CHST11: variants seen among roughly 807,000 people sequenced by gnomAD.
CHST11 encodes carbohydrate sulfotransferase 11.
In CHST11, 9 loss-of-function variants were observed where a neutral mutation model predicts 30.4. That is an observed-to-expected ratio of 0.30 (90% CI 0.18 to 0.52). CHST11 has a LOEUF of 0.52. Ranked by LOEUF, CHST11 falls within the 20% of genes least tolerant of loss-of-function variation. The probability of loss-of-function intolerance (pLI) is 0.97; values close to 1 mark genes in which losing one functional copy is unlikely to be tolerated. For missense variants in CHST11, 348 were observed against 460.6 expected (o/e 0.76, Z 2.24); for synonymous variants, 152 against 187.8 (o/e 0.81, Z 1.56).
intron 2 of CHST11, among the ~76,000 whole-genome samples, chr12:104,722,900 A>G (rs17036287): frequency 0.014 from 2,140 of 152,190 alleles, 59 homozygotes; most frequent in African/African-American, 0.049. Flanking sequence ...AAGGATTTCA[A>G]ACCTGCACAG....
intron 1 of CHST11, among the ~76,000 whole-genome samples, chr12:104,599,384 C>G (rs751715576): frequency 3.2e-4 from 49 of 152,226 alleles, no homozygotes; most frequent in Admixed American, 1.3e-4. Context: ...CCATGGGCCT[C>G]GATGAGCCCG....
chr12:104,545,164 CA>C (rs1168176829), intron 1 of CHST11, among the ~76,000 whole-genome samples: 2 of 122,656 alleles, frequency 1.6e-5, no homozygotes, highest in African/African-American at 2.8e-5. Flanking sequence ...AATTGAAAAG[CA>C]AAAAAATCAA....
chr12:104,675,032 G>A (rs781172499), intron 2 of CHST11, among the ~76,000 whole-genome samples: 13 of 152,268 alleles, frequency 8.5e-5, no homozygotes, highest in African/African-American at 2.4e-4. Context: ...AAGGTACTGC[G>A]TAACTCTTAA....
intron 1 of CHST11, among the ~76,000 whole-genome samples, chr12:104,463,273 T>C (rs1240668443): frequency 2.0e-5 from 3 of 152,072 alleles, no homozygotes; most frequent in African/African-American, 7.3e-5. Flanking sequence ...GTCATTCTGC[T>C]GATTCATTTT....
intron 2 of CHST11, among the ~76,000 whole-genome samples, chr12:104,694,841 G>A (rs975381864): frequency 5.9e-5 from 9 of 152,254 alleles, no homozygotes; most frequent in South Asian, 2.1e-4. Flanking sequence ...CTCTGTGTTC[G>A]GAACCAGTGC....
At chr12:104,502,621 G>A (rs553756060) in intron 1 of CHST11, among the ~76,000 whole-genome samples, 9 of 152,198 alleles carry the variant, frequency 5.9e-5, no homozygotes, top group Non-Finnish European at 8.8e-5. Context: ...GATGGAGAGA[G>A]CACCAGGTGT....
intron 1 of CHST11, among the ~76,000 whole-genome samples, chr12:104,528,825 C>T (rs556955298): frequency 6.6e-6 from 1 of 152,304 alleles, no homozygotes; most frequent in Admixed American, 6.5e-5. Context: ...GACAGTATTT[C>T]CTTGTGCTGC....
rs1259879517 is a variant in CHST11 at position 104,517,798 on chromosome 12, G to T, written c.118+60269G>T. ...AGTGATAGAGGTGAATGACAAGGAT[G>T]TGGTGTTCCTTAAGCTGACTCCTGA... On this transcript the variant is annotated intron_variant, in intron 1 of 2. Transcript: ENST00000303694. Among the ~76,000 whole-genome samples the T allele has an allele frequency of 3.3e-5, 5 of 152,254 alleles. No individual in the cohort carries two copies. The East Asian group carries it at 9.6e-4, about 29-fold the overall frequency.
At chr12:104,590,115 C>T (rs1313691924) in intron 1 of CHST11, among the ~76,000 whole-genome samples, 1 of 152,216 alleles carries the variant, frequency 6.6e-6, no homozygotes, top group Non-Finnish European at 1.5e-5. Context: ...TACACCCAGG[C>T]CCCTGGCCTC....
intron 2 of CHST11, among the ~76,000 whole-genome samples, chr12:104,636,864 T>A (rs1044240955): frequency 2.0e-4 from 31 of 151,968 alleles, no homozygotes; most frequent in African/African-American, 4.3e-4. Context: ...TTTTTTTTTT[T>A]AAAACAACTT....
rs114196521 is a variant in CHST11 at position 104,669,012 on chromosome 12, C to A, written c.204+67021C>A. 3.2e-3 allele frequency among the ~76,000 whole-genome samples: 488 copies of A among 152,170 alleles called. 7 individuals are homozygous for A. The highest frequency in any genetic ancestry group is 0.011 in the African/African-American group (475 of 41,498). On this transcript the variant is annotated intron_variant, in intron 2 of 2. Transcript: ENST00000303694. ...GGCCTCCTTGAGAAGCCACATTAGCCCTGACATTTCTTTCTCCCCATTTCT... is the reference window on the plus strand; with the variant it reads ...GGCCTCCTTGAGAAGCCACATTAGCACTGACATTTCTTTCTCCCCATTTCT...
At chr12:104,605,060 A>G (rs1447175319) in intron 2 of CHST11, among the ~76,000 whole-genome samples, 1 of 151,566 alleles carries the variant, frequency 6.6e-6, no homozygotes, top group Non-Finnish European at 1.5e-5. Flanking sequence ...ACCCAAAAAC[A>G]AACTACAAAT....
chr12:104,511,030 A>G (rs2037960698), intron 1 of CHST11, among the ~76,000 whole-genome samples: 3 of 152,190 alleles, frequency 2.0e-5, no homozygotes, highest in Admixed American at 2.0e-4. Context: ...ATGACCATAA[A>G]TCAAAGCATT....
At chr12:104,705,426 G>T (rs1194754377) in intron 2 of CHST11, among the ~76,000 whole-genome samples, 1 of 152,128 alleles carries the variant, frequency 6.6e-6, no homozygotes, top group Non-Finnish European at 1.5e-5. Flanking sequence ...CATCCCAGGC[G>T]CCTGGTAAAT....
chr12:104,478,023 C>T (rs1200575734), intron 1 of CHST11, among the ~76,000 whole-genome samples: 1 of 152,174 alleles, frequency 6.6e-6, no homozygotes, highest in African/African-American at 2.4e-5. Context: ...AGAATGAAGC[C>T]TCTCCAGGGA....
At chr12:104,520,411 T>A (rs1049231322) in intron 1 of CHST11, among the ~76,000 whole-genome samples, 12 of 152,068 alleles carry the variant, frequency 7.9e-5, no homozygotes, top group African/African-American at 2.2e-4. Flanking sequence ...CAGTTGTTAG[T>A]GTAAGAAGGG....
intron 1 of CHST11, among the ~76,000 whole-genome samples, chr12:104,571,253 T>A (rs1735613536): frequency 6.6e-6 from 1 of 151,176 alleles, no homozygotes. Context: ...AACCTCTGCC[T>A]CCTGGGTTCA....
chr12:104,482,609 A>C (rs2037637455), intron 1 of CHST11, among the ~76,000 whole-genome samples: 1 of 152,106 alleles, frequency 6.6e-6, no homozygotes, highest in African/African-American at 2.4e-5. Context: ...TGGTCCTTTG[A>C]GCAAGGTAGG....
chr12:104,707,703 T>C (rs2040048262), intron 2 of CHST11, among the ~76,000 whole-genome samples: 1 of 152,222 alleles, frequency 6.6e-6, no homozygotes, highest in African/African-American at 2.4e-5. Context: ...CCCAGTCTCC[T>C]AAATCTCCAC....
Sources: allele counts gnomAD v4.1 joint callset (sites outside exome capture counted in the v4.1 genomes callset), GRCh38; gene constraint gnomAD v4.1.1; transcripts MANE v1.5; gene names NCBI Gene and HGNC (gene_info 2026-07-23, HGNC 2026-07-21).